The following ADNP variants were observed in gnomAD, a reference collection of about 807,000 sequenced individuals.
ADNP encodes activity dependent neuroprotector homeobox, also known as activity-dependent neuroprotector homeobox protein.
ADNP carries 4 observed loss-of-function variants against 84.9 expected under a neutral mutation model. The observed-to-expected ratio is 0.05, with a 90% CI of 0.02 to 0.11. ADNP has a LOEUF of 0.11. ADNP is among the 10% of genes least tolerant of loss of function. The probability of loss-of-function intolerance (pLI) is 1.00; values close to 1 mark genes in which losing one functional copy is unlikely to be tolerated. For synonymous variants in ADNP, 554 were observed against 468.1 expected (o/e 1.18, Z -2.37); for missense variants, 1,132 against 1,326.0 (o/e 0.85, Z 2.27).
intron 2 of ADNP, chr20:50,909,474 AAAG>A: frequency 6.6e-6 from 1 of 152,258 alleles, no homozygotes; most frequent in East Asian, 1.9e-4. Flanking sequence ...TGACATAAAA[AAAG>A]AAAAATATCC....
Position 50,889,245 on chromosome 20 carries a change from G to A in ADNP, c.*2160C>T, listed in dbSNP as rs933364287. 6 of 152,162 alleles carry A rather than the reference G, an allele frequency of 3.9e-5. No homozygotes were observed. The highest frequency in any genetic ancestry group is 1.2e-4 in the African/African-American group (5 of 41,448). The allele number at this position is 152,162 out of a possible 1,614,324, so 9.4% of individuals were successfully genotyped here. A position where few individuals can be genotyped will look rare whatever the true frequency, so the allele number is the denominator to read the frequency against. ...CTGGGACCTGGACCCCAAGCCCCGT[G>A]GTGTCTTGTACAAGTCTCATTAGTC... On this transcript the variant is annotated 3_prime_UTR_variant, in exon 6 of 6. Transcript: ENST00000621696.
intron 1 of ADNP, among the ~76,000 whole-genome samples, chr20:50,930,560 G>T (rs1601005411): frequency 6.6e-6 from 1 of 152,158 alleles, no homozygotes; most frequent in Non-Finnish European, 1.5e-5. Context: ...GCTGGCCTCG[G>T]TGGGCTCACA....
chr20:50,892,706 C>T lies in ADNP; in HGVS notation c.2008G>A (p.Val670Met). 6.2e-7 allele frequency: 1 copy of T among 1,614,222 alleles called. No individual in the cohort carries two copies. The highest frequency in any genetic ancestry group is 8.5e-7 in the Non-Finnish European group (1 of 1,180,044). Residue 670 changes from valine to methionine, a missense_variant, in exon 6 of 6, where the codon GTG becomes ATG. By Grantham distance (21) the Val-to-Met change is conservative. This residue lies in a region of ADNP where 39 missense variants were observed against 96.2 expected (regional missense o/e 0.41). Transcript: ENST00000621696. ...GAGGCGGTCATGTTGCTGGTATACACACCAAGGCAATGGATACATTTGTAG... is the reference window on the plus strand; with the variant it reads ...GAGGCGGTCATGTTGCTGGTATACATACCAAGGCAATGGATACATTTGTAG... ...LTYKCIHCLG[V>M]YTSNMTASTI...
At chr20:50,924,595 G>T (rs1177273179) in intron 2 of ADNP, among the ~76,000 whole-genome samples, 1 of 152,110 alleles carries the variant, frequency 6.6e-6, no homozygotes, top group Non-Finnish European at 1.5e-5. Context: ...AGAAAATTGG[G>T]AATAGTTTAT....
chr20:50,899,580 A>G (rs182503789), intron 5 of ADNP, among the ~76,000 whole-genome samples: 3 of 152,080 alleles, frequency 2.0e-5, no homozygotes, highest in African/African-American at 7.2e-5. Context: ...AGTTAACTCT[A>G]AAACAGCCTC....
rs1982052304 is a variant in ADNP, at chr20:50,902,183, C to T, written c.109-74G>A. ...AACCCAATCTTACATGTAAATCTCA[C>T]CTCTTAACTAAGATGGGGAGAGGCA... On this transcript the variant is annotated intron_variant, in intron 4 of 5. Transcript: ENST00000621696. 4 of 1,115,904 alleles carry T rather than the reference C, an allele frequency of 3.6e-6. No homozygotes were observed. In the South Asian group the frequency reaches 3.9e-5, roughly 11 times the overall value. 69.1% of individuals were successfully genotyped at this position (1,115,904 alleles called of 1,614,324 possible).
At chr20:50,904,946 A>T (rs1436871655) in intron 2 of ADNP, 97 bp from the exon 3 acceptor site, 4 of 152,146 alleles carry the variant, frequency 2.6e-5, no homozygotes, top group Non-Finnish European at 5.9e-5. Flanking sequence ...TGACTCGACC[A>T]ATGCATGCCC....
intron 2 of ADNP, among the ~76,000 whole-genome samples, chr20:50,916,227 C>T (rs181153305): frequency 6.6e-6 from 1 of 152,216 alleles, no homozygotes; most frequent in East Asian, 1.9e-4. Context: ...TTGTCACCTT[C>T]CATCAACATG....
intron 2 of ADNP, among the ~76,000 whole-genome samples, chr20:50,923,023 C>T (rs73909837): frequency 0.014 from 2,094 of 152,036 alleles, 52 homozygotes; most frequent in African/African-American, 0.047. Flanking sequence ...CCTTGGGACA[C>T]GTGTAAGGAG....
chr20:50,908,261 G>A (rs1022288628), intron 2 of ADNP, among the ~76,000 whole-genome samples: 7 of 148,410 alleles, frequency 4.7e-5, no homozygotes, highest in African/African-American at 1.7e-4. Flanking sequence ...CTCCAGCCAC[G>A]CAGCTCCCCA....
chr20:50,906,986 T>C (rs989562901), intron 2 of ADNP, among the ~76,000 whole-genome samples: 4 of 150,570 alleles, frequency 2.7e-5, no homozygotes, highest in Non-Finnish European at 4.4e-5. Flanking sequence ...GTTTTTTTTT[T>C]TGAGACAGTC....
chr20:50,910,228 A>G (rs113438237), intron 2 of ADNP, among the ~76,000 whole-genome samples: 2,055 of 152,328 alleles, frequency 0.013, 42 homozygotes, highest in African/African-American at 0.046. Flanking sequence ...TAAAAAAACA[A>G]AAAACACTAT....
chr20:50,918,556 AG>A (rs1357029860), intron 2 of ADNP, among the ~76,000 whole-genome samples: 1 of 152,226 alleles, frequency 6.6e-6, no homozygotes, highest in African/African-American at 2.4e-5. Context: ...CCAAGAGGCC[AG>A]GAACAGGATA....
intron 2 of ADNP, among the ~76,000 whole-genome samples, chr20:50,927,964 C>G (rs1984397359): frequency 6.6e-6 from 1 of 152,218 alleles, no homozygotes; most frequent in African/African-American, 2.4e-5. Flanking sequence ...AAGATAAAAA[C>G]TATACCTGCC....
intron 5 of ADNP, among the ~76,000 whole-genome samples, chr20:50,895,621 C>T (rs1981302978): frequency 6.6e-6 from 1 of 152,292 alleles, no homozygotes; most frequent in South Asian, 2.1e-4. Context: ...AATCGGCTCA[C>T]TGCAGCCTCA....
intron 4 of ADNP, 113 bp from the exon 5 acceptor site, chr20:50,902,222 G>A (rs1328782967): frequency 4.6e-5 from 33 of 722,474 alleles, no homozygotes; most frequent in Non-Finnish European, 7.1e-5. Flanking sequence ...GAAAACCAAC[G>A]TCAACAAGGA....
In ADNP at chr20:50,897,099, C is replaced by T. The variant is rs575971570; in HGVS notation, c.202-2587G>A. Among the ~76,000 whole-genome samples, 8 of 152,176 alleles carry T rather than the reference C, an allele frequency of 5.3e-5. No homozygotes were observed. The South Asian group carries it at 1.5e-3, about 28-fold the overall frequency. On this transcript the variant is annotated intron_variant, in intron 5 of 5. Transcript: ENST00000621696. ...ATTACAGGCGCCCCACCACCACGCCCGGCTAATTTTTTTGTATTTTTAGTA... is the reference window on the plus strand; with the variant it reads ...ATTACAGGCGCCCCACCACCACGCCTGGCTAATTTTTTTGTATTTTTAGTA...
At position 50,893,442 on chromosome 20, in the gene ADNP, G is replaced by C; in HGVS notation, c.1272C>G (p.Ser424=). Residue 424 remains serine (S), a synonymous_variant, in exon 6 of 6, where the codon TCC becomes TCG. Coordinates refer to ENST00000621696, the MANE Select transcript of ADNP (RefSeq NM_001282531.3). This position sits in a 1 kb window ranked among gnomAD's most constrained non-coding sequence, Gnocchi z 4.4. ...QSQASRVLGQ[S]SSKPAAAATG... is the part of the protein sequence containing the mutation. ...TGGCAGCTGCAGCAGGTTTGGAACT[G>C]GACTGACCTAACACTCTGGATGCCT... is the stretch of plus-strand genomic sequence containing the variant. 6.2e-7 allele frequency: 1 copy of C among 1,614,092 alleles called. No individual in the cohort carries two copies.
intron 2 of ADNP, among the ~76,000 whole-genome samples, chr20:50,919,301 ATATATATATATATATG>A (rs1983764103): frequency 7.3e-6 from 1 of 136,354 alleles, no homozygotes; most frequent in African/African-American, 3.1e-5. Flanking sequence ...GTATATATAT[ATATATATATATATATG>A]TAAAAAGCCA....
Sources: allele counts gnomAD v4.1 joint callset (sites outside exome capture counted in the v4.1 genomes callset), GRCh38; gene constraint gnomAD v4.1.1; regional missense constraint gnomAD v4.1.1; non-coding constraint Gnocchi (gnomAD v3.1); transcripts MANE v1.5; gene names NCBI Gene and HGNC (gene_info 2026-07-23, HGNC 2026-07-21).